Variants in PLEKHG5 observed in about 807,000 individuals in gnomAD.
The protein encoded by PLEKHG5 is pleckstrin homology domain-containing family G member 5.
PLEKHG5 carries 52 observed loss-of-function variants against 103.8 expected under a neutral mutation model. The observed-to-expected ratio is 0.50, with a 90% CI of 0.40 to 0.63. The LOEUF (loss-of-function observed/expected upper bound fraction) is 0.63. Ranked by LOEUF, PLEKHG5 falls within the 30% of genes least tolerant of loss-of-function variation. The pLI is 0.00. For missense variants in PLEKHG5, 1,205 were observed against 1,347.6 expected (o/e 0.89, Z 1.66); for synonymous variants, 592 against 575.5 (o/e 1.03, Z -0.41).
chr1:6,481,305 C>CG (rs1295473131), intron 1 of PLEKHG5, among the ~76,000 whole-genome samples: 1 of 151,940 alleles, frequency 6.6e-6, no homozygotes, highest in Non-Finnish European at 1.5e-5. Context: ...CCGAGGCGGG[C>CG]GGGTCACCTG....
In PLEKHG5 at chr1:6,468,211, C is replaced by A; in HGVS notation, c.2625G>T (p.Lys875Asn). 1 of 1,585,462 alleles carries A rather than the reference C, an allele frequency of 6.3e-7. No individual in the cohort carries two copies. Among genetic ancestry groups the A allele is most frequent in the Non-Finnish European group, 8.6e-7 (1 of 1,163,578 alleles). Residue 875 changes from lysine (K) to asparagine (N), a missense_variant, in exon 20 of 21, where the codon AAG becomes AAT. Transcript: ENST00000377728. ...GGAGGAGGCTGGCCTCGGACTTAGA[C>A]TTGAGCAGGTGGGGCGGGCAGCTCA... ...QLLSCPPHLL[K>N]SKSEASLLQL...
chr1:6,470,469 C>T (rs1455044988), intron 15 of PLEKHG5, 37 bp downstream of exon 15: 1 of 1,610,970 alleles, frequency 6.2e-7, no homozygotes, highest in Non-Finnish European at 8.5e-7. Context: ...GCCTTCCTCT[C>T]TCCCAGCCGG....
At chr1:6,479,347 C>T (rs1214056101) in intron 1 of PLEKHG5, among the ~76,000 whole-genome samples, 1 of 140,170 alleles carries the variant, frequency 7.1e-6, no homozygotes, top group African/African-American at 2.7e-5. Flanking sequence ...AGTGCAGTGG[C>T]GCGATCTCGA....
intron 5 of PLEKHG5, 189 bp from the exon 6 acceptor site, chr1:6,474,776 C>T (rs917745437): frequency 1.8e-5 from 12 of 679,842 alleles, no homozygotes; most frequent in Non-Finnish European, 3.1e-5. Context: ...CTCACACAGG[C>T]GCATCTGCAT....
In PLEKHG5 at chr1:6,467,133, C is replaced by G. The variant is rs1257931233; in HGVS notation, c.*430G>C. On this transcript the variant is annotated 3_prime_UTR_variant, in exon 21 of 21. Transcript: ENST00000377728. Reference sequence around the variant, plus strand: ...AGGACTCTTCCCAGTGGAGTCTAGACAAGTCTTTATAAAAGAACCAAAAGC... The same window carrying G: ...AGGACTCTTCCCAGTGGAGTCTAGAGAAGTCTTTATAAAAGAACCAAAAGC... 1 of 323,704 alleles carries G rather than the reference C, an allele frequency of 3.1e-6. No individual in the cohort carries two copies. The highest frequency in any genetic ancestry group is 6.0e-6 in the Non-Finnish European group (1 of 167,650). The allele number at this position is 323,704 out of a possible 1,614,324, so 20.1% of individuals were successfully genotyped here. A position where few individuals can be genotyped will look rare whatever the true frequency, so the allele number is the denominator to read the frequency against.
chr1:6,515,495 C>T (rs1030732493), intron 1 of PLEKHG5, among the ~76,000 whole-genome samples: 19 of 151,896 alleles, frequency 1.3e-4, no homozygotes, highest in African/African-American at 3.9e-4. Flanking sequence ...CCACTGCACT[C>T]CAGCCTGGGT....
At chr1:6,475,441 C>T (rs752407429) in intron 4 of PLEKHG5, 21 bp downstream of exon 4, 9 of 1,610,668 alleles carry the variant, frequency 5.6e-6, no homozygotes, top group Non-Finnish European at 6.8e-6. Flanking sequence ...CCGCATCTGC[C>T]GGCTCTGGGG....
intron 1 of PLEKHG5, among the ~76,000 whole-genome samples, chr1:6,480,829 T>G (rs540059787): frequency 1.3e-5 from 2 of 151,876 alleles, no homozygotes; most frequent in Admixed American, 6.6e-5. Flanking sequence ...TTAGTAGAGA[T>G]AGGATTTCGC....
At chr1:6,514,416 T>C (rs923343971) in intron 1 of PLEKHG5, among the ~76,000 whole-genome samples, 12 of 151,574 alleles carry the variant, frequency 7.9e-5, no homozygotes, top group African/African-American at 2.9e-4. Context: ...ATTGTGCCAC[T>C]GCACTCCAGC....
intron 2 of PLEKHG5, 148 bp downstream of exon 2, chr1:6,477,381 C>T (rs939328814): frequency 1.2e-6 from 1 of 858,154 alleles, no homozygotes; most frequent in African/African-American, 1.7e-5. Context: ...TGCTAAAAAA[C>T]ATTTGGAACA....
intron 2 of PLEKHG5, 59 bp from the exon 3 acceptor site, chr1:6,476,095 G>T: frequency 1.4e-6 from 2 of 1,453,470 alleles, no homozygotes; most frequent in South Asian, 1.1e-5. Context: ...CTGCAGCATG[G>T]CTGCCTCCAG....
chr1:6,510,202 G>A (rs1638436254), intron 1 of PLEKHG5, among the ~76,000 whole-genome samples: 1 of 152,186 alleles, frequency 6.6e-6, no homozygotes, highest in Non-Finnish European at 1.5e-5. Flanking sequence ...GGAGAGAGTG[G>A]GCGCTAGCCA....
chr1:6,501,683 G>A (rs1158557919), upstream of PLEKHG5, among the ~76,000 whole-genome samples: 1 of 152,190 alleles, frequency 6.6e-6, no homozygotes, highest in African/African-American at 2.4e-5. The surrounding 1 kb of genome is among the most constrained non-coding windows in gnomAD (Gnocchi z 4.3). Context: ...CACAAGTAAT[G>A]AGAGTAACGA....
chr1:6,511,672 G>A (rs951024342), intron 1 of PLEKHG5, among the ~76,000 whole-genome samples: 1 of 152,250 alleles, frequency 6.6e-6, no homozygotes, highest in African/African-American at 2.4e-5. Flanking sequence ...GCAGGGCCAC[G>A]ACAGGGCTCA....
At chr1:6,488,922 T>A (rs979145753) in intron 1 of PLEKHG5, among the ~76,000 whole-genome samples, 3 of 151,832 alleles carry the variant, frequency 2.0e-5, no homozygotes, top group Non-Finnish European at 4.4e-5. Flanking sequence ...TCCCTCAGTA[T>A]CACCTCCCCC....
rs561283132 is a variant in PLEKHG5 at position 6,473,445 on chromosome 1, G to A, written c.601C>T (p.Arg201Cys). Residue 201 changes from arginine (R) to cysteine (C), a missense_variant, in exon 8 of 21, where the codon CGC (arginine) becomes TGC (cysteine). Transcript: ENST00000377728. ...AACTCCGACATGTTCTTGCGGCGGCGGCCAGGGGCCTGGTCAGGGAAGGGT... is the reference window on the plus strand; with the variant it reads ...AACTCCGACATGTTCTTGCGGCGGCAGCCAGGGGCCTGGTCAGGGAAGGGT... ...RESLDILAPG[R>C]RRKNMSEFLG... The A allele has an allele frequency of 5.2e-6, 8 of 1,530,978 alleles. No individual in the cohort carries two copies. Among genetic ancestry groups the A allele is most frequent in the African/African-American group, 1.4e-5 (1 of 72,906 alleles). 94.8% of individuals were successfully genotyped at this position (1,530,978 alleles called of 1,614,324 possible).
rs72861585 is a variant in PLEKHG5, at chr1:6,519,807, T to G, written c.-527A>C. The G allele has an allele frequency of 1.2e-3, 595 of 512,756 alleles. 2 individuals are homozygous for G. Among genetic ancestry groups the G allele is most frequent in the African/African-American group, 0.01 (526 of 52,092 alleles). The allele number at this position is 512,756 out of a possible 1,614,324, so 31.8% of individuals were successfully genotyped here. ...CCGCCGCTCACACTGCATTTCCTTGTTGGTGGTTGGTTCCTTCTTGGATTT... is the reference window on the plus strand; with the variant it reads ...CCGCCGCTCACACTGCATTTCCTTGGTGGTGGTTGGTTCCTTCTTGGATTT... On this transcript the variant is annotated 5_prime_UTR_variant, in exon 1 of 22. Coordinates refer to the PLEKHG5 transcript ENST00000377740.
At position 6,467,403 on chromosome 1, in the gene PLEKHG5, C is replaced by T. The variant is rs1443871645; in HGVS notation, c.*160G>A. 1 of 821,400 alleles carries T rather than the reference C, an allele frequency of 1.2e-6. No individual in the cohort carries two copies. The highest frequency in any genetic ancestry group is 1.7e-5 in the African/African-American group (1 of 60,110). The allele number at this position is 821,400 out of a possible 1,614,324, so 50.9% of individuals were successfully genotyped here. ...CTGGGCCTCCTCCACTCCATCCAGT[C>T]CGGCAAAGCGCAAATCGGGCCCGGG... On this transcript the variant is annotated 3_prime_UTR_variant, in exon 21 of 21. Coordinates refer to ENST00000377728, the MANE Select transcript of PLEKHG5 (RefSeq NM_020631.6).
chr1:6,513,919 G>A (rs1638544569), intron 1 of PLEKHG5, among the ~76,000 whole-genome samples: 1 of 152,264 alleles, frequency 6.6e-6, no homozygotes, highest in African/African-American at 2.4e-5. Context: ...GTGCAGGGCA[G>A]CTATGGGGTC....
Sources: allele counts gnomAD v4.1 joint callset (sites outside exome capture counted in the v4.1 genomes callset), GRCh38; gene constraint gnomAD v4.1.1; non-coding constraint Gnocchi (gnomAD v3.1); transcripts MANE v1.5; gene names NCBI Gene and HGNC (gene_info 2026-07-23, HGNC 2026-07-21).